Variants in SLA observed in about 807,000 individuals in gnomAD.
SLA encodes Src like adaptor.
SLA carries 16 observed loss-of-function variants against 30.3 expected under a neutral mutation model. The observed-to-expected ratio is 0.53, with a 90% CI of 0.36 to 0.80. The LOEUF (loss-of-function observed/expected upper bound fraction) is 0.80. Ranked by LOEUF, SLA falls within the 30% of genes least tolerant of loss-of-function variation. The pLI is 0.01. For synonymous variants in SLA, 143 were observed against 137.8 expected, an observed-to-expected ratio of 1.04 and a Z score of -0.26; for missense variants, 310 against 345.2, an observed-to-expected ratio of 0.90 and a Z score of 0.81.
At position 133,063,960 on chromosome 8, in the gene SLA, C is replaced by T. The variant is rs143324517; in HGVS notation, c.-40-3760G>A. Among the ~76,000 whole-genome samples the T allele has an allele frequency of 2.6e-5, 4 of 152,206 alleles. No homozygotes were observed. In the East Asian group the frequency reaches 5.8e-4, roughly 22 times the overall value. Reference sequence around the variant, plus strand: ...TGGCTGAAGGTGGGAGAGAGGGTACCGGAGACATAATTGCTTCTAAGAACA... The same window carrying T: ...TGGCTGAAGGTGGGAGAGAGGGTACTGGAGACATAATTGCTTCTAAGAACA... On this transcript the variant is annotated intron_variant, in intron 2 of 8. Transcript: ENST00000338087.
At chr8:133,092,753 C>T (rs903751650) in intron 1 of SLA, among the ~76,000 whole-genome samples, 1 of 152,162 alleles carries the variant, frequency 6.6e-6, no homozygotes, top group Non-Finnish European at 1.5e-5. Context: ...CCCCTCCTGC[C>T]CCCGAGTGCT....
intron 1 of SLA, 41 bp downstream of exon 1, chr8:133,102,512 C>T (rs1476463075): frequency 6.5e-7 from 1 of 1,548,188 alleles, no homozygotes; most frequent in Non-Finnish European, 8.7e-7. Flanking sequence ...CACCTATGGC[C>T]CACCCAGGGG....
intron 1 of SLA, among the ~76,000 whole-genome samples, chr8:133,077,370 C>A (rs1588014162): frequency 2.0e-5 from 3 of 152,256 alleles, no homozygotes; most frequent in African/African-American, 7.2e-5. Flanking sequence ...GGGCCGCAGG[C>A]TCTTCTCTGT....
rs373736328 is a variant in SLA at position 133,049,993 on chromosome 8, A to G, written c.162-5T>C. On this transcript the variant is annotated splice_region_variant and splice_polypyrimidine_tract_variant and intron_variant, in intron 4 of 8. Coordinates refer to ENST00000338087, the MANE Select transcript of SLA (RefSeq NM_001045556.3). ...GCTTTCCACCAGCCCCCTTCACTGT[A>G]AGAACAAGAACAGAGAAGAACACAG... 6.3e-7 allele frequency: 1 copy of G among 1,589,694 alleles called. No individual in the cohort carries two copies. The highest frequency in any genetic ancestry group is 8.6e-7 in the Non-Finnish European group (1 of 1,157,686).
intron 6 of SLA, among the ~76,000 whole-genome samples, chr8:133,046,027 C>T (rs1284112134): frequency 6.6e-6 from 1 of 152,134 alleles, no homozygotes; most frequent in Non-Finnish European, 1.5e-5. Context: ...ACGTGAAAGG[C>T]GGGTTATTGC....
chr8:133,085,649 C>A (rs1386895896), intron 1 of SLA, among the ~76,000 whole-genome samples: 1 of 152,088 alleles, frequency 6.6e-6, no homozygotes, highest in African/African-American at 2.4e-5. Flanking sequence ...GAAAATTAAA[C>A]CCATAATGAG....
At chr8:133,039,887 G>A in intron 8 of SLA, 111 bp downstream of exon 8, 1 of 1,473,578 alleles carries the variant, frequency 6.8e-7, no homozygotes, top group Non-Finnish European at 9.0e-7. Context: ...GCTGACTCTG[G>A]CCATGGTTTT....
At chr8:133,073,353 ATTC>A (rs747500984) in intron 2 of SLA, 3 of 152,108 alleles carry the variant, frequency 2.0e-5, no homozygotes, top group East Asian at 1.9e-4. Flanking sequence ...CTTAAATAGA[ATTC>A]TTCTTCTTAT....
intron 2 of SLA, among the ~76,000 whole-genome samples, chr8:133,071,884 T>C (rs1273070064): frequency 6.6e-6 from 1 of 152,150 alleles, no homozygotes; most frequent in Non-Finnish European, 1.5e-5. Context: ...TCTATTATAT[T>C]CCTCAATGAA....
intron 1 of SLA, among the ~76,000 whole-genome samples, chr8:133,090,624 C>T (rs1432823149): frequency 6.6e-6 from 1 of 152,198 alleles, no homozygotes; most frequent in Admixed American, 6.5e-5. Context: ...TAATAACATT[C>T]CTAATGATGA....
At chr8:133,040,182 G>C (rs1428319094) in intron 7 of SLA, 52 bp from the exon 8 acceptor site, 3 of 1,551,884 alleles carry the variant, frequency 1.9e-6, no homozygotes, top group South Asian at 2.4e-5. Flanking sequence ...GCCTCAGCCA[G>C]TGTGGGGTTC....
chr8:133,064,923 T>G (rs1216088445), intron 2 of SLA, among the ~76,000 whole-genome samples: 1 of 152,040 alleles, frequency 6.6e-6, no homozygotes, highest in Non-Finnish European at 1.5e-5. Flanking sequence ...GGAGACAAAT[T>G]GAGGAAGTCC....
At chr8:133,074,249 C>G (rs1308408883) in intron 2 of SLA, among the ~76,000 whole-genome samples, 2 of 152,104 alleles carry the variant, frequency 1.3e-5, no homozygotes, top group Non-Finnish European at 2.9e-5. Flanking sequence ...TATTAATTAT[C>G]TTCGGCATCT....
chr8:133,038,323 C>G lies in SLA; in HGVS notation c.*201G>C. ...GATCCAATGTTTCGTGATGCCACAG[C>G]CCTGATCAGACACCAGGGAGGGGTT... On this transcript the variant is annotated 3_prime_UTR_variant, in exon 9 of 9. Coordinates refer to ENST00000338087, the MANE Select transcript of SLA (RefSeq NM_001045556.3). The G allele has an allele frequency of 1.7e-6, 1 of 599,818 alleles. No individual in the cohort carries two copies. The highest frequency in any genetic ancestry group is 3.0e-6 in the Non-Finnish European group (1 of 337,772). 37.2% of individuals were successfully genotyped at this position (599,818 alleles called of 1,614,324 possible). A position where few individuals can be genotyped will look rare whatever the true frequency, so the allele number is the denominator to read the frequency against.
intron 2 of SLA, among the ~76,000 whole-genome samples, chr8:133,071,361 C>T (rs1221528784): frequency 6.6e-6 from 1 of 152,218 alleles, no homozygotes; most frequent in Non-Finnish European, 1.5e-5. Context: ...AGGCATCTGG[C>T]TCTAGAGCCT....
intron 1 of SLA, among the ~76,000 whole-genome samples, chr8:133,098,494 T>C (rs1232767772): frequency 6.6e-6 from 1 of 152,170 alleles, no homozygotes; most frequent in Non-Finnish European, 1.5e-5. Context: ...CCCACTCACC[T>C]CCTTATTTGA....
rs765850322 is a variant in SLA, at chr8:133,040,017, C to T, written c.598G>A (p.Asp200Asn). 9.0e-6 allele frequency: 14 copies of T among 1,551,614 alleles called. No individual in the cohort carries two copies. In the African/African-American group the frequency reaches 1.9e-4, roughly 21 times the overall value. Residue 200 changes from aspartate to asparagine, a missense_variant, in exon 8 of 9, where the codon GAC becomes AAC. Asp to Asn is a conservative substitution (Grantham distance 23). Coordinates refer to ENST00000338087, the MANE Select transcript of SLA (RefSeq NM_001045556.3). ...SPVTLRQKTV[D>N]WRRVSRLQED... is the part of the protein sequence containing the mutation. ...ACTCACCTGGACACTCTCCTCCAGTCCACAGTCTTCTGACGCAAGGTGACA... is the reference window on the plus strand; with the variant it reads ...ACTCACCTGGACACTCTCCTCCAGTTCACAGTCTTCTGACGCAAGGTGACA...
rs765981571 is a variant in SLA, at chr8:133,095,056, C to T, written c.-319+7497G>A. 5.6e-6 allele frequency: 9 copies of T among 1,613,644 alleles called. No homozygotes were observed. The Admixed American group carries it at 1.2e-4, about 21-fold the overall frequency. ...CTTTCTCTTCCAGGGAGGCTCCGCA[C>T]TCTCCCCGGCCGCCGTCATCAGCCA... On this transcript the variant is annotated intron_variant, in intron 1 of 8. Coordinates refer to ENST00000338087, the MANE Select transcript of SLA (RefSeq NM_001045556.3).
At chr8:133,091,659 T>G (rs1847554282) in intron 1 of SLA, among the ~76,000 whole-genome samples, 1 of 152,016 alleles carries the variant, frequency 6.6e-6, no homozygotes, top group African/African-American at 2.4e-5. Flanking sequence ...TATGTGTCTA[T>G]GACTGTGCGT....
Sources: allele counts gnomAD v4.1 joint callset (sites outside exome capture counted in the v4.1 genomes callset), GRCh38; gene constraint gnomAD v4.1.1; transcripts MANE v1.5; gene names NCBI Gene and HGNC (gene_info 2026-07-23, HGNC 2026-07-21).